UBE2E1: variants seen among roughly 807,000 people sequenced by gnomAD.
UBE2E1 encodes the protein ubiquitin-conjugating enzyme E2 E1.
In UBE2E1, 6 loss-of-function variants were observed where a neutral mutation model predicts 21.4. The ratio of observed to expected loss-of-function variants is 0.28; its 90% confidence interval spans 0.15 to 0.55. The LOEUF (loss-of-function observed/expected upper bound fraction) is 0.55. Ranked by LOEUF, UBE2E1 falls within the 20% of genes least tolerant of loss-of-function variation. The pLI is 0.93. For missense variants in UBE2E1, 142 were observed against 236.5 expected (o/e 0.60, Z 2.62); for synonymous variants, 87 against 82.7 (o/e 1.05, Z -0.28).
intron 3 of UBE2E1, among the ~76,000 whole-genome samples, chr3:23,828,764 A>C (rs1699806718): frequency 1.3e-5 from 2 of 152,240 alleles, no homozygotes; most frequent in African/African-American, 4.8e-5. Flanking sequence ...TTAATGACCT[A>C]AGATGTAAAT....
intron 3 of UBE2E1, among the ~76,000 whole-genome samples, chr3:23,845,682 A>G (rs1458739533): frequency 6.6e-6 from 1 of 151,320 alleles, no homozygotes; most frequent in Non-Finnish European, 1.5e-5. Context: ...GGAGTTTGGC[A>G]AAGTTATTTA....
chr3:23,837,921 C>G (rs1180278917), intron 3 of UBE2E1, among the ~76,000 whole-genome samples: 1 of 152,128 alleles, frequency 6.6e-6, no homozygotes, highest in African/African-American at 2.4e-5. Flanking sequence ...TTCTGCTTGT[C>G]CACTAATCTG....
At chr3:23,829,131 GATTATT>G (rs1204902252) in intron 3 of UBE2E1, among the ~76,000 whole-genome samples, 2 of 139,866 alleles carry the variant, frequency 1.4e-5, no homozygotes, top group Non-Finnish European at 3.0e-5. Context: ...TAAGATGGAG[GATTATT>G]ATTATTATTA....
chr3:23,858,245 GA>G (rs531280219), intron 3 of UBE2E1, among the ~76,000 whole-genome samples: 1 of 151,996 alleles, frequency 6.6e-6, no homozygotes, highest in Admixed American at 6.5e-5. Flanking sequence ...CAAGGACATT[GA>G]AAAAAAGTCA....
intron 3 of UBE2E1, among the ~76,000 whole-genome samples, chr3:23,848,483 CA>C (rs1700256209): frequency 6.9e-6 from 1 of 145,850 alleles, no homozygotes; most frequent in East Asian, 2.0e-4. Flanking sequence ...AAAAAAAAAA[CA>C]AAAAACAAAA....
Position 23,842,708 on chromosome 3 carries a change from T to A in UBE2E1, c.203+31198T>A, listed in dbSNP as rs1423423061. Among the ~76,000 whole-genome samples, 5 of 152,244 alleles carry A rather than the reference T, an allele frequency of 3.3e-5. No individual in the cohort carries two copies. Among genetic ancestry groups the A allele is most frequent in the Non-Finnish European group, 7.3e-5 (5 of 68,044 alleles). On this transcript the variant is annotated intron_variant, in intron 3 of 5. Transcript: ENST00000306627. The surrounding 1 kb of genome is among the most constrained non-coding windows in gnomAD (Gnocchi z 4.6). Reference sequence around the variant, plus strand: ...AATTACAAGTGCGCTATTCGGTTTTTAAAAATTTTAATTTTGGTTTTTGAA... The same window carrying A: ...AATTACAAGTGCGCTATTCGGTTTTAAAAAATTTTAATTTTGGTTTTTGAA...
rs1407149509 is a variant in UBE2E1 at position 23,810,372 on chromosome 3, G to A, written c.153-1088G>A. ...TGGTGTGAACTGCCTGGTGGCTTCG[G>A]CCTATGAGTGGGGGATGGGGCCCTT... On this transcript the variant is annotated intron_variant, in intron 2 of 5. Coordinates refer to ENST00000306627, the MANE Select transcript of UBE2E1 (RefSeq NM_003341.5). This position sits in a 1 kb window ranked among gnomAD's most constrained non-coding sequence, Gnocchi z 5.8. 4 of 1,492,698 alleles carry A rather than the reference G, an allele frequency of 2.7e-6. No individual in the cohort carries two copies. The highest frequency in any genetic ancestry group is 3.9e-5 in the Admixed American group (2 of 50,752). 92.5% of individuals were successfully genotyped at this position (1,492,698 alleles called of 1,614,324 possible). A position where few individuals can be genotyped will look rare whatever the true frequency, so the allele number is the denominator to read the frequency against.
intron 3 of UBE2E1, among the ~76,000 whole-genome samples, chr3:23,837,063 A>ACATAAATCTCTACT (rs1282549062): frequency 6.6e-6 from 1 of 152,206 alleles, no homozygotes; most frequent in Non-Finnish European, 1.5e-5. Flanking sequence ...TGGGGAAGGA[A>ACATAAATCTCTACT]CATAAATCTC....
intron 3 of UBE2E1, among the ~76,000 whole-genome samples, chr3:23,820,851 G>T (rs754219404): frequency 6.6e-6 from 1 of 152,116 alleles, no homozygotes; most frequent in African/African-American, 2.4e-5. Context: ...AAAATTGATC[G>T]ATGGAAAATT....
chr3:23,852,859 C>T (rs1159218884), intron 3 of UBE2E1, among the ~76,000 whole-genome samples: 6 of 151,922 alleles, frequency 3.9e-5, no homozygotes, highest in Admixed American at 3.9e-4. Flanking sequence ...CCCACCTTGG[C>T]GTCCCAGAGT....
At chr3:23,846,462 C>T (rs879812371) in intron 3 of UBE2E1, among the ~76,000 whole-genome samples, 1 of 151,926 alleles carries the variant, frequency 6.6e-6, no homozygotes, top group Non-Finnish European at 1.5e-5. Context: ...TTTGGGAGGC[C>T]GAGGTGGGCA....
At chr3:23,845,615 G>GTGTGTGTGTGTGTGTA (rs1559483398) in intron 3 of UBE2E1, among the ~76,000 whole-genome samples, 2 of 150,828 alleles carry the variant, frequency 1.3e-5, no homozygotes, top group East Asian at 3.9e-4. Flanking sequence ...GTGTGTGTGT[G>GTGTGTGTGTGTGTGTA]TATGTGTGTG....
rs1700103211 is a variant in UBE2E1 at position 23,842,223 on chromosome 3, G to GTGTA, written c.203+30716_203+30717insATGT. On this transcript the variant is annotated intron_variant, in intron 3 of 5. Coordinates refer to ENST00000306627, the MANE Select transcript of UBE2E1 (RefSeq NM_003341.5). The surrounding 1 kb of genome is among the most constrained non-coding windows in gnomAD (Gnocchi z 4.6). The stretch of plus-strand genomic sequence containing the variant: ...GGTGTGTGTGTGTGTGTGTGTGTGT[G>GTGTA]TGTGTGTGTGTGTGTGTGTGTGTGT... Among the ~76,000 whole-genome samples, 1 of 86,120 alleles carries GTGTA rather than the reference G, an allele frequency of 1.2e-5. No homozygotes were observed. Among genetic ancestry groups the GTGTA allele is most frequent in the African/African-American group, 4.7e-5 (1 of 21,480 alleles). 56.5% of individuals were successfully genotyped at this position (86,120 alleles called of 152,430 possible).
At chr3:23,845,194 ATAAAC>A (rs1037621704) in intron 3 of UBE2E1, among the ~76,000 whole-genome samples, 1 of 152,224 alleles carries the variant, frequency 6.6e-6, no homozygotes, top group East Asian at 1.9e-4. Context: ...AATCTTGACA[ATAAAC>A]TAAAGCAAAT....
chr3:23,858,950 A>C (rs1215709275), intron 3 of UBE2E1, among the ~76,000 whole-genome samples: 1 of 152,170 alleles, frequency 6.6e-6, no homozygotes, highest in Admixed American at 6.5e-5. Context: ...CCTCATATCA[A>C]ATACCTCGTA....
intron 3 of UBE2E1, among the ~76,000 whole-genome samples, chr3:23,814,199 T>C (rs1699461720): frequency 6.6e-6 from 1 of 152,168 alleles, no homozygotes; most frequent in South Asian, 2.1e-4. Flanking sequence ...TTGCTCCTCT[T>C]GAAGGAAGGT....
At chr3:23,849,539 G>A (rs765055075) in intron 3 of UBE2E1, among the ~76,000 whole-genome samples, 15 of 152,118 alleles carry the variant, frequency 9.9e-5, no homozygotes, top group Non-Finnish European at 2.1e-4. Flanking sequence ...CCTAGTGTGT[G>A]ATGTTTCCCT....
rs767912706 is a variant in UBE2E1 at position 23,887,736 on chromosome 3, C to T, written c.336+37C>T. On this transcript the variant is annotated intron_variant, in intron 4 of 5. Coordinates refer to ENST00000306627, the MANE Select transcript of UBE2E1 (RefSeq NM_003341.5). This position sits in a 1 kb window ranked among gnomAD's most constrained non-coding sequence, Gnocchi z 4.4. ...CCCTGTATGCTCAAATTTACTAATT[C>T]CCACAAGAGAGCAACTGTTGAGGTT... 1 of 1,575,574 alleles carries T rather than the reference C, an allele frequency of 6.3e-7. No homozygotes were observed. The highest frequency in any genetic ancestry group is 8.6e-7 in the Non-Finnish European group (1 of 1,167,158).
At chr3:23,852,048 C>T (rs553616806) in intron 3 of UBE2E1, among the ~76,000 whole-genome samples, 1 of 152,196 alleles carries the variant, frequency 6.6e-6, no homozygotes, top group South Asian at 2.1e-4. Context: ...GCTCCCTTTC[C>T]TGTCATGTCA....
Sources: allele counts gnomAD v4.1 joint callset (sites outside exome capture counted in the v4.1 genomes callset), GRCh38; gene constraint gnomAD v4.1.1; non-coding constraint Gnocchi (gnomAD v3.1); transcripts MANE v1.5; gene names NCBI Gene and HGNC (gene_info 2026-07-23, HGNC 2026-07-21).